Variants in PRKCA observed in about 807,000 individuals in gnomAD.
PRKCA encodes protein kinase C alpha type.
PRKCA carries 27 observed loss-of-function variants against 87.0 expected under a neutral mutation model. The ratio of observed to expected loss-of-function variants is 0.31; its 90% confidence interval spans 0.23 to 0.43. The LOEUF (loss-of-function observed/expected upper bound fraction) is 0.43, where lower values mean the gene tolerates loss of function less well. PRKCA is among the 20% of genes least tolerant of loss of function. The pLI is 1.00. For synonymous variants in PRKCA, 329 were observed against 311.1 expected (o/e 1.06, Z -0.61); for missense variants, 518 against 852.3 (o/e 0.61, Z 4.88).
At chr17:66,738,948 T>A in intron 11 of PRKCA, 93 bp downstream of exon 11, 1 of 937,480 alleles carries the variant, frequency 1.1e-6, no homozygotes, top group Non-Finnish European at 1.7e-6. Context: ...ATTGGGGGTC[T>A]CACTCTGTCA....
At chr17:66,506,565 G>A (rs1010940608) in intron 3 of PRKCA, among the ~76,000 whole-genome samples, 2 of 152,120 alleles carry the variant, frequency 1.3e-5, no homozygotes, top group South Asian at 2.1e-4. Context: ...GTATTTATCC[G>A]GTCTTGAATT....
At chr17:66,563,161 A>G (rs1318862878) in intron 3 of PRKCA, among the ~76,000 whole-genome samples, 2 of 152,082 alleles carry the variant, frequency 1.3e-5, no homozygotes, top group African/African-American at 4.8e-5. Context: ...AGTGTGGTAC[A>G]TTTCTTACAA....
At chr17:66,379,218 A>G (rs7217329) in intron 2 of PRKCA, among the ~76,000 whole-genome samples, 33,090 of 152,140 alleles carry the variant, frequency 0.22, 3,770 homozygotes, top group Admixed American at 0.31. Flanking sequence ...TTAACATTTT[A>G]AGGAATTGCC....
intron 8 of PRKCA, among the ~76,000 whole-genome samples, chr17:66,690,911 A>C (rs546089240): frequency 1.3e-5 from 2 of 151,888 alleles, no homozygotes; most frequent in Admixed American, 1.3e-4. Context: ...TAAGAGGCCA[A>C]GGCAGGCAGG....
intron 3 of PRKCA, among the ~76,000 whole-genome samples, chr17:66,549,400 A>G (rs1280227794): frequency 1.3e-5 from 2 of 152,116 alleles, no homozygotes; most frequent in East Asian, 3.9e-4. Context: ...GGTCTGGTGT[A>G]GCTCAGCAGG....
At chr17:66,354,079 G>A (rs1449287295) in intron 2 of PRKCA, among the ~76,000 whole-genome samples, 1 of 152,162 alleles carries the variant, frequency 6.6e-6, no homozygotes, top group Non-Finnish European at 1.5e-5. Flanking sequence ...CATCTGTTTT[G>A]TTGAGAGAGC....
intron 3 of PRKCA, among the ~76,000 whole-genome samples, chr17:66,501,761 C>G (rs1016924965): frequency 1.3e-5 from 2 of 152,182 alleles, no homozygotes; most frequent in African/African-American, 4.8e-5. Flanking sequence ...ATGGCTTCTC[C>G]CCCTTCTCCA....
intron 2 of PRKCA, among the ~76,000 whole-genome samples, chr17:66,453,484 A>C (rs960654220): frequency 2.1e-4 from 32 of 151,718 alleles, no homozygotes; most frequent in African/African-American, 7.5e-4. Context: ...TGCCCAGCTA[A>C]TTTTTTGTGT....
intron 13 of PRKCA, 118 bp downstream of exon 13, chr17:66,742,878 A>T (rs371960716): frequency 1.8e-6 from 2 of 1,132,942 alleles, no homozygotes; most frequent in East Asian, 2.6e-5. Flanking sequence ...CAGCCACTAA[A>T]TGGACTAAAC....
intron 3 of PRKCA, among the ~76,000 whole-genome samples, chr17:66,640,484 A>C (rs1971261134): frequency 6.6e-6 from 1 of 152,208 alleles, no homozygotes; most frequent in South Asian, 2.1e-4. Flanking sequence ...TACGATTTTC[A>C]TCTGACCATG....
chr17:66,563,151 A>C (rs1245489152), intron 3 of PRKCA, among the ~76,000 whole-genome samples: 2 of 152,136 alleles, frequency 1.3e-5, no homozygotes, highest in Admixed American at 1.3e-4. Flanking sequence ...TGCATTAATT[A>C]GTGTGGTACA....
chr17:66,527,995 C>T lies in PRKCA; in HGVS notation c.288+31712C>T, dbSNP rs377506486. Among the ~76,000 whole-genome samples, 4 of 152,146 alleles carry T rather than the reference C, an allele frequency of 2.6e-5. No individual in the cohort carries two copies. In the East Asian group the frequency reaches 5.8e-4, roughly 22 times the overall value. On this transcript the variant is annotated intron_variant, in intron 3 of 16. Coordinates refer to ENST00000413366, the MANE Select transcript of PRKCA (RefSeq NM_002737.3). ...GGCGGATCACTTGAGGTCTGGAGTT[C>T]GAGACTAGCCTGGCCAACATGGTGA...
chr17:66,340,286 A>G (rs1906962056), intron 2 of PRKCA, among the ~76,000 whole-genome samples: 1 of 152,086 alleles, frequency 6.6e-6, no homozygotes, highest in South Asian at 2.1e-4. Context: ...TACCAAAGGA[A>G]CTAGGTTTTG....
chr17:66,335,754 G>T (rs1304967760), intron 2 of PRKCA, among the ~76,000 whole-genome samples: 2 of 152,042 alleles, frequency 1.3e-5, no homozygotes, highest in Non-Finnish European at 2.9e-5. Flanking sequence ...TTTAGCCACT[G>T]TCATTTTTCT....
At chr17:66,714,802 C>T (rs1973433748) in intron 8 of PRKCA, among the ~76,000 whole-genome samples, 1 of 152,200 alleles carries the variant, frequency 6.6e-6, no homozygotes, top group African/African-American at 2.4e-5. Flanking sequence ...AGATCCCATG[C>T]TTGTCACCTT....
Position 66,477,225 on chromosome 17 carries a change from A to G in PRKCA, c.206-18976A>G, listed in dbSNP as rs571443412. Among the ~76,000 whole-genome samples, 19 of 152,320 alleles carry G rather than the reference A, an allele frequency of 1.2e-4. No individual in the cohort carries two copies. In the South Asian group the frequency reaches 3.3e-3, roughly 27 times the overall value. ...ACAAAGCGAAACCCACAGAAACTTCAAAAGGAATAAAAATATCATGTTAAT... is the reference window on the plus strand; with the variant it reads ...ACAAAGCGAAACCCACAGAAACTTCGAAAGGAATAAAAATATCATGTTAAT... On this transcript the variant is annotated intron_variant, in intron 2 of 16. Coordinates refer to ENST00000413366, the MANE Select transcript of PRKCA (RefSeq NM_002737.3).
intron 11 of PRKCA, among the ~76,000 whole-genome samples, chr17:66,740,631 GC>G (rs1974139446): frequency 6.6e-6 from 1 of 152,122 alleles, no homozygotes; most frequent in Admixed American, 6.5e-5. Flanking sequence ...TTTCAGAAAT[GC>G]CTGTCCTTTT....
At position 66,308,887 on chromosome 17, in the gene PRKCA, G is replaced by GT. The variant is rs56755841; in HGVS notation, c.205+2770dup. On this transcript the variant is annotated intron_variant, in intron 2 of 16. Transcript: ENST00000413366. ...TTTTCTTTTAATGCTCTCTAATTTT[G>GT]TTTTTTTTTTCCTCGGTTTTGTTTG... 4.9e-3 allele frequency among the ~76,000 whole-genome samples: 740 copies of GT among 149,782 alleles called. 2 individuals carry two copies. The highest frequency in any genetic ancestry group is 8.5e-3 in the Non-Finnish European group (573 of 67,222).
Position 66,689,177 on chromosome 17 carries a change from T to C in PRKCA, c.918+130T>C. 1.7e-6 allele frequency: 1 copy of C among 582,022 alleles called. No homozygotes were observed. The highest frequency in any genetic ancestry group is 3.0e-6 in the Non-Finnish European group (1 of 334,690). 36.1% of individuals were successfully genotyped at this position (582,022 alleles called of 1,614,324 possible). A position where few individuals can be genotyped will look rare whatever the true frequency, so the allele number is the denominator to read the frequency against. On this transcript the variant is annotated intron_variant, in intron 8 of 16. Coordinates refer to ENST00000413366, the MANE Select transcript of PRKCA (RefSeq NM_002737.3). The surrounding 1 kb of genome is among the most constrained non-coding windows in gnomAD (Gnocchi z 4.1). ...TCTCAATGTTAATGATCTTTTTCTTTATTTAAAAACATGAATGTTGTTCGT... is the reference window on the plus strand; with the variant it reads ...TCTCAATGTTAATGATCTTTTTCTTCATTTAAAAACATGAATGTTGTTCGT...
Sources: allele counts gnomAD v4.1 joint callset (sites outside exome capture counted in the v4.1 genomes callset), GRCh38; gene constraint gnomAD v4.1.1; non-coding constraint Gnocchi (gnomAD v3.1); transcripts MANE v1.5; gene names NCBI Gene and HGNC (gene_info 2026-07-23, HGNC 2026-07-21).